FAM120A: variants seen among roughly 807,000 people sequenced by gnomAD.
FAM120A encodes the protein family with sequence similarity 120 member A, also known as constitutive coactivator of PPAR-gamma-like protein 1.
In FAM120A, 15 loss-of-function variants were observed where a neutral mutation model predicts 109.7. The ratio of observed to expected loss-of-function variants is 0.14; its 90% confidence interval spans 0.09 to 0.21. The LOEUF is 0.21. Ranked by LOEUF, FAM120A falls within the 10% of genes least tolerant of loss-of-function variation. The pLI is 1.00. For missense variants in FAM120A, 899 were observed against 1,439.3 expected (o/e 0.62, Z 6.07); for synonymous variants, 493 against 572.8 (o/e 0.86, Z 1.99).
intron 5 of FAM120A, among the ~76,000 whole-genome samples, chr9:93,514,764 C>T (rs1860493544): frequency 6.6e-6 from 1 of 152,214 alleles, no homozygotes; most frequent in African/African-American, 2.4e-5. Flanking sequence ...TGGAACAGCC[C>T]TTTATGGGCA....
At chr9:93,460,916 C>T (rs1191339589) in intron 1 of FAM120A, among the ~76,000 whole-genome samples, 14 of 152,152 alleles carry the variant, frequency 9.2e-5, no homozygotes, top group Admixed American at 9.2e-4. Context: ...TGCTTCTTAA[C>T]TTAGGAGATG....
intron 5 of FAM120A, among the ~76,000 whole-genome samples, chr9:93,499,444 T>G (rs1429888407): frequency 6.6e-6 from 1 of 151,850 alleles, no homozygotes; most frequent in African/African-American, 2.4e-5. Flanking sequence ...TGCGCCACCA[T>G]GCCCAGCTAA....
At chr9:93,478,764 C>T (rs1415476526) in intron 3 of FAM120A, among the ~76,000 whole-genome samples, 1 of 152,218 alleles carries the variant, frequency 6.6e-6, no homozygotes, top group Non-Finnish European at 1.5e-5. Flanking sequence ...GTGTGAGCCA[C>T]AGCACCCGGC....
At chr9:93,540,552 G>A (rs867159889) in intron 10 of FAM120A, among the ~76,000 whole-genome samples, 17 of 152,158 alleles carry the variant, frequency 1.1e-4, no homozygotes, top group African/African-American at 4.1e-4. Flanking sequence ...ATTGCCATGA[G>A]TCCATCAGCA....
At chr9:93,518,208 C>G (rs187642342) in intron 7 of FAM120A, among the ~76,000 whole-genome samples, 2 of 152,234 alleles carry the variant, frequency 1.3e-5, no homozygotes, top group Admixed American at 1.3e-4. Context: ...GCTTTGGGGT[C>G]AGAAACTAGC....
chr9:93,516,338 G>T (rs1307075665), intron 7 of FAM120A, 69 bp downstream of exon 7: 7 of 1,584,706 alleles, frequency 4.4e-6, no homozygotes, highest in Non-Finnish European at 6.0e-6. Context: ...CTTCTGGCCT[G>T]CCAGCCCAGC....
intron 13 of FAM120A, among the ~76,000 whole-genome samples, chr9:93,556,914 A>G (rs949179667): frequency 1.1e-4 from 17 of 152,220 alleles, no homozygotes; most frequent in Non-Finnish European, 2.4e-4. Context: ...TTTGTTAACC[A>G]ATCAGTATAT....
chr9:93,532,463 G>A lies in FAM120A; in HGVS notation c.1909+134G>A, dbSNP rs1056362046. On this transcript the variant is annotated intron_variant, in intron 10 of 17. Coordinates refer to ENST00000277165, the MANE Select transcript of FAM120A (RefSeq NM_014612.5). This position sits in a 1 kb window ranked among gnomAD's most constrained non-coding sequence, Gnocchi z 4.3. ...GTGTAAAGGAGGTGGGCCCATCATC[G>A]GGGCAGTAGGCCAGGGTAAAGGCTC... is the stretch of plus-strand genomic sequence containing the variant. 6.8e-6 allele frequency: 6 copies of A among 887,344 alleles called. No individual in the cohort carries two copies. Among genetic ancestry groups the A allele is most frequent in the East Asian group, 2.6e-5 (1 of 39,068 alleles). The allele number at this position is 887,344 out of a possible 1,614,324, so 55.0% of individuals were successfully genotyped here.
intron 10 of FAM120A, among the ~76,000 whole-genome samples, chr9:93,533,200 G>A (rs1341620241): frequency 6.6e-6 from 1 of 152,198 alleles, no homozygotes; most frequent in Non-Finnish European, 1.5e-5. Flanking sequence ...TGTTTGTGTG[G>A]TGGGTCAATG....
At chr9:93,556,789 A>G (rs1359260917) in intron 13 of FAM120A, among the ~76,000 whole-genome samples, 198 bp downstream of exon 13, 1 of 152,140 alleles carries the variant, frequency 6.6e-6, no homozygotes, top group Non-Finnish European at 1.5e-5. Context: ...GTTTCTCATT[A>G]TTTGTGGTAG....
At chr9:93,466,402 G>T (rs990374304) in intron 1 of FAM120A, among the ~76,000 whole-genome samples, 5 of 152,064 alleles carry the variant, frequency 3.3e-5, no homozygotes, top group African/African-American at 1.2e-4. Flanking sequence ...GGCTTTGGGA[G>T]CTCTCTTGGG....
At chr9:93,522,475 C>A (rs1860884110) in intron 7 of FAM120A, among the ~76,000 whole-genome samples, 1 of 152,108 alleles carries the variant, frequency 6.6e-6, no homozygotes, top group African/African-American at 2.4e-5. Flanking sequence ...ACTTACGTAA[C>A]TATGTATTCT....
chr9:93,460,099 A>G (rs1017578606), intron 1 of FAM120A, among the ~76,000 whole-genome samples: 1 of 152,222 alleles, frequency 6.6e-6, no homozygotes, highest in Non-Finnish European at 1.5e-5. Flanking sequence ...ATTTATATGA[A>G]TAGGAAGAAA....
intron 10 of FAM120A, among the ~76,000 whole-genome samples, chr9:93,540,880 T>G: frequency 6.6e-6 from 1 of 151,986 alleles, no homozygotes; most frequent in Non-Finnish European, 1.5e-5. Context: ...AAACAAAACA[T>G]GAATGATTGC....
chr9:93,557,020 A>C (rs1862305498), intron 13 of FAM120A, among the ~76,000 whole-genome samples: 1 of 151,894 alleles, frequency 6.6e-6, no homozygotes, highest in African/African-American at 2.4e-5. Context: ...CTTCTGTAAC[A>C]CGTATATTCT....
chr9:93,528,875 A>G (rs200292312), intron 8 of FAM120A, among the ~76,000 whole-genome samples: 19 of 123,084 alleles, frequency 1.5e-4, no homozygotes, highest in Non-Finnish European at 2.7e-4. Flanking sequence ...TTCCATTTCT[A>G]TGTGTTAGGG....
At chr9:93,512,851 G>C (rs1860393462) in intron 5 of FAM120A, among the ~76,000 whole-genome samples, 1 of 152,218 alleles carries the variant, frequency 6.6e-6, no homozygotes, top group Non-Finnish European at 1.5e-5. Context: ...TGGATTCACA[G>C]AGGATTATTT....
intron 12 of FAM120A, among the ~76,000 whole-genome samples, chr9:93,556,146 A>G (rs979850319): frequency 1.3e-5 from 2 of 152,220 alleles, no homozygotes; most frequent in Non-Finnish European, 2.9e-5. Flanking sequence ...ACCCAACCTG[A>G]AATACTTGAG....
intron 9 of FAM120A, 41 bp downstream of exon 9, chr9:93,529,621 T>A (rs1861244909): frequency 6.4e-7 from 1 of 1,554,414 alleles, no homozygotes; most frequent in Non-Finnish European, 8.9e-7. Context: ...TGTTATTTGA[T>A]GAGTGGCCAT....
Sources: gnomAD v4.1 joint callset for allele counts (sites outside exome capture counted in the v4.1 genomes callset) on GRCh38, gnomAD v4.1.1 for gene constraint, Gnocchi (gnomAD v3.1) non-coding constraint, MANE v1.5 for transcripts, NCBI Gene and HGNC (gene_info 2026-07-23, HGNC 2026-07-21) for gene names.